The following MAP1S variants were observed in gnomAD, a reference collection of about 807,000 sequenced individuals.
The protein encoded by MAP1S is microtubule-associated protein 1S.
In MAP1S, 27 loss-of-function variants were observed where a neutral mutation model predicts 60.9. That is an observed-to-expected ratio of 0.44 (90% CI 0.33 to 0.61). MAP1S has a LOEUF of 0.61. Ranked by LOEUF, MAP1S falls within the 20% of genes least tolerant of loss-of-function variation. The pLI is 0.03. For missense variants in MAP1S, 1,608 were observed against 1,486.6 expected (o/e 1.08, Z -1.34); for synonymous variants, 826 against 694.2 (o/e 1.19, Z -2.98).
In MAP1S at chr19:17,727,480, C is replaced by T. The variant is rs758529257; in HGVS notation, c.2096C>T (p.Ser699Leu). 7.5e-6 allele frequency: 12 copies of T among 1,609,944 alleles called. No individual in the cohort carries two copies. The highest frequency in any genetic ancestry group is 1.3e-5 in the African/African-American group (1 of 74,880). ...TCGACCGAGGTGGACGAGTCCCTGT[C>T]GGTGTCCTTTGAGCAGGTGCTGCCG... ...PHSTEVDESL[S>L]VSFEQVLPPS... The change falls in exon 5 of 7, where the codon TCG becomes TTG. Residue 699 changes from serine (S) to leucine (L), a missense_variant. This residue lies in a region of MAP1S where 1,167 missense variants were observed against 961.4 expected (regional missense o/e 1.21). Coordinates refer to ENST00000324096, the MANE Select transcript of MAP1S (RefSeq NM_018174.6). The surrounding 1 kb of genome is among the most constrained non-coding windows in gnomAD (Gnocchi z 4.1).
chr19:17,720,194 T>G (rs1266785409), intron 1 of MAP1S: 5 of 1,355,452 alleles, frequency 3.7e-6, no homozygotes, highest in Admixed American at 3.5e-5. Context: ...CTGCAGCCAC[T>G]TGGCTCAGTG....
At position 17,725,870 on chromosome 19, in the gene MAP1S, G is replaced by T. The variant is rs771968962; in HGVS notation, c.486G>T (p.Pro162=). ...CCACCACGCCCCCACCTGTGCAGCC[G>T]CCCATACTCACCATCACCTGCCCCA... ...ILATTPPPVQ[P]PILTITCPTF... is the part of the protein sequence containing the mutation. The change falls in exon 5 of 7, where the codon CCG becomes CCT. Residue 162 remains proline (P), a synonymous_variant. Coordinates refer to ENST00000324096, the MANE Select transcript of MAP1S (RefSeq NM_018174.6). This position sits in a 1 kb window ranked among gnomAD's most constrained non-coding sequence, Gnocchi z 4.2. 1 of 1,613,348 alleles carries T rather than the reference G, an allele frequency of 6.2e-7. No individual in the cohort carries two copies. The highest frequency in any genetic ancestry group is 1.1e-5 in the South Asian group (1 of 91,050).
chr19:17,722,669 A>G (rs904887639), intron 2 of MAP1S, among the ~76,000 whole-genome samples: 4 of 142,644 alleles, frequency 2.8e-5, no homozygotes, highest in Non-Finnish European at 6.1e-5. Context: ...GAATTGCTTG[A>G]ACTCAGGAGG....
At chr19:17,723,345 G>T (rs1462851693) in intron 2 of MAP1S, among the ~76,000 whole-genome samples, 1 of 151,960 alleles carries the variant, frequency 6.6e-6, no homozygotes, top group East Asian at 1.9e-4. Flanking sequence ...TCAGGAGTTT[G>T]AGACCAGCCT....
rs1459671104 is a variant in MAP1S at position 17,726,979 on chromosome 19, G to A, written c.1595G>A (p.Ser532Asn). ...GAGTTGAAGAAAGACCCCAAACCGAGTGTCTCCCGGACCCAGCCGCGGGAG... is the reference window on the plus strand; with the variant it reads ...GAGTTGAAGAAAGACCCCAAACCGAATGTCTCCCGGACCCAGCCGCGGGAG... The part of the protein sequence containing the change: ...PRELKKDPKP[S>N]VSRTQPREVR... Residue 532 changes from serine to asparagine, a missense_variant, in exon 5 of 7, where the codon AGT (serine) becomes AAT (asparagine). Transcript: ENST00000324096. 6.3e-7 allele frequency: 1 copy of A among 1,576,806 alleles called. No individual in the cohort carries two copies. The highest frequency in any genetic ancestry group is 8.6e-7 in the Non-Finnish European group (1 of 1,161,942).
Position 17,719,553 on chromosome 19 carries a change from C to T in MAP1S, c.51C>T (p.Leu17=), listed in dbSNP as rs749554226. 1.7e-5 allele frequency: 21 copies of T among 1,246,114 alleles called. No individual in the cohort carries two copies. Among genetic ancestry groups the T allele is most frequent in the Non-Finnish European group, 2.1e-5 (21 of 987,586 alleles). The allele number at this position is 1,246,114 out of a possible 1,614,324, so 77.2% of individuals were successfully genotyped here. A position where few individuals can be genotyped will look rare whatever the true frequency, so the allele number is the denominator to read the frequency against. ...SGAAAAPSSL[L]LVVGSEFGSP... The stretch of plus-strand genomic sequence containing the variant: ...CTGCCGCGGCTCCGAGCTCACTGCT[C>T]CTCGTGGTGGGCAGCGAGTTCGGGA... Residue 17 remains leucine, a synonymous_variant, in exon 1 of 7, where the codon CTC becomes CTT. Coordinates refer to ENST00000324096, the MANE Select transcript of MAP1S (RefSeq NM_018174.6).
At position 17,726,261 on chromosome 19, in the gene MAP1S, C is replaced by T. The variant is rs1191500560; in HGVS notation, c.877C>T (p.Pro293Ser). 3 of 1,606,920 alleles carry T rather than the reference C, an allele frequency of 1.9e-6. No homozygotes were observed. In the South Asian group the frequency reaches 3.3e-5, roughly 18 times the overall value. ...CGTGGATGCCGTGCTGGTGACCCACCCTGGCGCCGACAGCCTCCCCGGCCT... is the reference window on the plus strand; with the variant it reads ...CGTGGATGCCGTGCTGGTGACCCACTCTGGCGCCGACAGCCTCCCCGGCCT... ...DRVDAVLVTHPGADSLPGLNS... is the reference protein window; with the variant it reads ...DRVDAVLVTHSGADSLPGLNS... The change falls in exon 5 of 7, where the codon CCT becomes TCT. Residue 293 changes from proline (P) to serine (S), a missense_variant. By Grantham distance (74) the Pro-to-Ser change is moderately conservative. Coordinates refer to ENST00000324096, the MANE Select transcript of MAP1S (RefSeq NM_018174.6).
At chr19:17,721,284 G>A (rs529721373) in intron 2 of MAP1S, 28 of 514,678 alleles carry the variant, frequency 5.4e-5, no homozygotes, top group Middle Eastern at 5.5e-4. Context: ...GGAAGAGGCA[G>A]GGAGATCTCT....
Position 17,727,922 on chromosome 19 carries a change from G to C in MAP1S, c.2538G>C (p.Glu846Asp), listed in dbSNP as rs2080456402. Residue 846 changes from glutamate (E) to aspartate (D), a missense_variant, in exon 5 of 7, where the codon GAG (glutamate) becomes GAC (aspartate). Coordinates refer to ENST00000324096, the MANE Select transcript of MAP1S (RefSeq NM_018174.6). The surrounding 1 kb of genome is among the most constrained non-coding windows in gnomAD (Gnocchi z 4.1). ...CCAGCATCTGCATGGTGGACCCCGA[G>C]ATGCTGCCCCCCAAGACAGCACGGC... ...DPSSICMVDP[E>D]MLPPKTARQT... 6.2e-7 allele frequency: 1 copy of C among 1,611,230 alleles called. No homozygotes were observed. The highest frequency in any genetic ancestry group is 8.5e-7 in the Non-Finnish European group (1 of 1,179,136).
At chr19:17,724,668 T>G (rs2080401278) in intron 3 of MAP1S, among the ~76,000 whole-genome samples, 1 of 152,186 alleles carries the variant, frequency 6.6e-6, no homozygotes, top group South Asian at 2.1e-4. Context: ...ATTCCTTGGA[T>G]CAACTTTTCC....
intron 5 of MAP1S, among the ~76,000 whole-genome samples, chr19:17,729,446 G>A (rs1258978866): frequency 3.3e-5 from 5 of 152,176 alleles, no homozygotes; most frequent in African/African-American, 1.2e-4. Context: ...CCAGAGACCA[G>A]CCAAAGGCTC....
At chr19:17,730,835 A>G (rs939816103) in intron 5 of MAP1S, among the ~76,000 whole-genome samples, 2 of 149,892 alleles carry the variant, frequency 1.3e-5, no homozygotes, top group Non-Finnish European at 3.0e-5. Context: ...TGTTGTCTGC[A>G]CTTTTGATGT....
Position 17,727,969 on chromosome 19 carries a change from C to T in MAP1S, c.2585C>T (p.Thr862Ile). The T allele has an allele frequency of 6.2e-7, 1 of 1,608,784 alleles. No homozygotes were observed. Residue 862 changes from threonine to isoleucine, a missense_variant, in exon 5 of 7, where the codon ACC becomes ATC. This residue lies in a region of MAP1S where 1,167 missense variants were observed against 961.4 expected (regional missense o/e 1.21). Transcript: ENST00000324096. This position sits in a 1 kb window ranked among gnomAD's most constrained non-coding sequence, Gnocchi z 4.1. ...TARQTENVSR[T>I]RKPLARPNSR... Reference sequence around the variant, plus strand: ...CGGCAAACGGAGAACGTCAGCCGCACCCGGAAGCCCCTGGCCCGCCCCAAC... The same window carrying T: ...CGGCAAACGGAGAACGTCAGCCGCATCCGGAAGCCCCTGGCCCGCCCCAAC...
At position 17,727,755 on chromosome 19, in the gene MAP1S, C is replaced by T. The variant is rs369210415; in HGVS notation, c.2371C>T (p.Leu791=). ...GCCACCCACATCGGTCAGCGAGTCCCTGCCCACCCTGTCTGACTCGGATCC... is the reference window on the plus strand; with the variant it reads ...GCCACCCACATCGGTCAGCGAGTCCTTGCCCACCCTGTCTGACTCGGATCC... ...ETPPTSVSES[L]PTLSDSDPVP... The change falls in exon 5 of 7, where the codon CTG becomes TTG. Residue 791 remains leucine, a synonymous_variant. Coordinates refer to ENST00000324096, the MANE Select transcript of MAP1S (RefSeq NM_018174.6). This position sits in a 1 kb window ranked among gnomAD's most constrained non-coding sequence, Gnocchi z 4.1. 10 of 1,608,348 alleles carry T rather than the reference C, an allele frequency of 6.2e-6. No individual in the cohort carries two copies. Among genetic ancestry groups the T allele is most frequent in the Non-Finnish European group, 8.5e-6 (10 of 1,177,340 alleles).
chr19:17,726,422 G>A lies in MAP1S; in HGVS notation c.1038G>A (p.Ser346=), dbSNP rs1345980554. 4 of 1,566,490 alleles carry A rather than the reference G, an allele frequency of 2.6e-6. No individual in the cohort carries two copies. In the South Asian group the frequency reaches 3.5e-5, roughly 14 times the overall value. Residue 346 remains serine (S), a synonymous_variant, in exon 5 of 7, where the codon TCG becomes TCA. Coordinates refer to ENST00000324096, the MANE Select transcript of MAP1S (RefSeq NM_018174.6). ...VVFFNACEAA[S]RLARGEDEAE... Reference sequence around the variant, plus strand: ...TCTTCAACGCCTGCGAGGCCGCGTCGCGGCTGGCGCGCGGCGAGGATGAGG... The same window carrying A: ...TCTTCAACGCCTGCGAGGCCGCGTCACGGCTGGCGCGCGGCGAGGATGAGG...
intron 1 of MAP1S, chr19:17,720,219 G>A: frequency 1.5e-6 from 2 of 1,375,360 alleles, no homozygotes; most frequent in Non-Finnish European, 1.9e-6. Flanking sequence ...TGGCGGGCGT[G>A]ATGCGCCCGT....
chr19:17,720,451 CAAAGCG>C, intron 1 of MAP1S: 1 of 1,533,262 alleles, frequency 6.5e-7, no homozygotes, highest in Non-Finnish European at 8.7e-7. Flanking sequence ...GGGATGGACC[CAAAGCG>C]AGTGAGGAGA....
chr19:17,727,960 T>A lies in MAP1S; in HGVS notation c.2576T>A (p.Val859Asp). 1 of 1,606,234 alleles carries A rather than the reference T, an allele frequency of 6.2e-7. No individual in the cohort carries two copies. Among genetic ancestry groups the A allele is most frequent in the Non-Finnish European group, 8.5e-7 (1 of 1,176,274 alleles). ...PPKTARQTEN[V>D]SRTRKPLARP... ...AAGACAGCACGGCAAACGGAGAACG[T>A]CAGCCGCACCCGGAAGCCCCTGGCC... Residue 859 changes from valine to aspartate, a missense_variant, in exon 5 of 7, where the codon GTC (valine) becomes GAC (aspartate). By Grantham distance (152) the Val-to-Asp change is radical. Coordinates refer to ENST00000324096, the MANE Select transcript of MAP1S (RefSeq NM_018174.6). This position sits in a 1 kb window ranked among gnomAD's most constrained non-coding sequence, Gnocchi z 4.1.
rs774586357 is a variant in MAP1S at position 17,724,164 on chromosome 19, A to G, written c.259A>G (p.Thr87Ala). ...GCACCACCGTGGAGACAACCTGGAG[A>G]CCCTGGTCCTCCTGAACCCATCAGA... ...SLHHRGDNLE[T>A]LVLLNPSDKS... The change falls in exon 3 of 7, where the codon ACC becomes GCC. Residue 87 changes from threonine (T) to alanine (A), a missense_variant. By Grantham distance (58) the Thr-to-Ala change is moderately conservative. This residue lies in a region of MAP1S where 320 missense variants were observed against 393.1 expected (regional missense o/e 0.81). Transcript: ENST00000324096. 4 of 1,613,824 alleles carry G rather than the reference A, an allele frequency of 2.5e-6. No homozygotes were observed. In the African/African-American group the frequency reaches 5.3e-5, roughly 22 times the overall value.
Sources: allele counts gnomAD v4.1 joint callset (sites outside exome capture counted in the v4.1 genomes callset), GRCh38; gene constraint gnomAD v4.1.1; regional missense constraint gnomAD v4.1.1; non-coding constraint Gnocchi (gnomAD v3.1); transcripts MANE v1.5; gene names NCBI Gene and HGNC (gene_info 2026-07-23, HGNC 2026-07-21).